The following MAST4 variants were observed in gnomAD, a reference collection of about 807,000 sequenced individuals.
The protein encoded by MAST4 is microtubule-associated serine/threonine-protein kinase 4.
In MAST4, 89 loss-of-function variants were observed where a neutral mutation model predicts 162.7. The ratio of observed to expected loss-of-function variants is 0.55; its 90% CI spans 0.46 to 0.65. MAST4 has a LOEUF of 0.65. Ranked by LOEUF, MAST4 falls within the 30% of genes least tolerant of loss-of-function variation. The pLI is 0.00. For missense variants in MAST4, 3,153 were observed against 3,374.0 expected, an observed-to-expected ratio of 0.93 and a Z score of 1.62; for synonymous variants, 1,479 against 1,361.1, an observed-to-expected ratio of 1.09 and a Z score of -1.91.
chr5:66,798,011 A>G (rs1420207985), intron 3 of MAST4, among the ~76,000 whole-genome samples: 2 of 152,208 alleles, frequency 1.3e-5, no homozygotes, highest in African/African-American at 2.4e-5. Context: ...GTGATGCCAT[A>G]TAAGGTGGAT....
At chr5:66,678,748 CTCCCACAGTGCTG>C (rs1200830987) in intron 1 of MAST4, among the ~76,000 whole-genome samples, 8 of 151,932 alleles carry the variant, frequency 5.3e-5, no homozygotes, top group African/African-American at 1.9e-4. Context: ...CCACCTTGGC[CTCCCACAGTGCTG>C]GATTACAGGT....
At chr5:66,616,965 G>GA (rs1403588378) in intron 1 of MAST4, among the ~76,000 whole-genome samples, 2 of 152,078 alleles carry the variant, frequency 1.3e-5, no homozygotes, top group African/African-American at 4.8e-5. Context: ...AGAAAGCCAG[G>GA]AAAAAATGGT....
At chr5:66,964,126 G>A (rs1746355946) in intron 4 of MAST4, 2 of 486,054 alleles carry the variant, frequency 4.1e-6, no homozygotes, top group African/African-American at 3.9e-5. Context: ...TAATTCCTAT[G>A]AGAGTATTAT....
rs375659874 is a variant in MAST4, at chr5:67,152,764, G to A, written c.3423G>A (p.Pro1141=). The A allele has an allele frequency of 1.8e-5, 29 of 1,613,898 alleles. No individual in the cohort carries two copies. Among genetic ancestry groups the A allele is most frequent in the African/African-American group, 6.7e-5 (5 of 74,934 alleles). The change falls in exon 25 of 29, where the codon CCG becomes CCA. Residue 1141 remains proline (P), a synonymous_variant. Coordinates refer to ENST00000403625, the MANE Select transcript of MAST4 (RefSeq NM_001164664.2). ...SSAASASPHQ[P]IVIHSSGKNY... ...CAGCTTCTGCCAGTCCACATCAGCC[G>A]ATTGTGATCCACAGTTCGGGGAAGA...
At chr5:67,143,264 GGAA>G (rs1401504829) in intron 21 of MAST4, among the ~76,000 whole-genome samples, 1 of 98,722 alleles carries the variant, frequency 1.0e-5, no homozygotes, top group Non-Finnish European at 2.3e-5. Context: ...TCCACAAAAA[GGAA>G]AAAAAAAGCC....
intron 1 of MAST4, among the ~76,000 whole-genome samples, chr5:66,611,177 TTAA>T (rs1743265419): frequency 6.6e-6 from 1 of 152,232 alleles, no homozygotes; most frequent in Admixed American, 6.5e-5. Context: ...CCAGCAGACT[TTAA>T]GACTTTAAAT....
At chr5:67,111,794 C>T (rs914529016) in intron 11 of MAST4, among the ~76,000 whole-genome samples, 1 of 152,092 alleles carries the variant, frequency 6.6e-6, no homozygotes, top group Non-Finnish European at 1.5e-5. Context: ...CACTCATAAT[C>T]GGAGGAGAAA....
intron 2 of MAST4, among the ~76,000 whole-genome samples, chr5:66,784,741 T>TA (rs781250142): frequency 6.6e-6 from 1 of 152,232 alleles, no homozygotes; most frequent in Non-Finnish European, 1.5e-5. Context: ...ATGCAGGTCT[T>TA]ACGATAATAT....
chr5:66,619,869 C>T (rs1743959485), intron 1 of MAST4, among the ~76,000 whole-genome samples: 1 of 151,604 alleles, frequency 6.6e-6, no homozygotes, highest in African/African-American at 2.4e-5. Context: ...CTTACCAACA[C>T]TGTATATGTC....
At chr5:67,051,123 A>G (rs376533067) in intron 4 of MAST4, among the ~76,000 whole-genome samples, 15 of 152,054 alleles carry the variant, frequency 9.9e-5, no homozygotes, top group African/African-American at 3.4e-4. Context: ...GCTACAGGAG[A>G]AGTAGTATTC....
chr5:67,031,010 T>C (rs749238683), intron 4 of MAST4, among the ~76,000 whole-genome samples: 40 of 152,196 alleles, frequency 2.6e-4, no homozygotes, highest in Non-Finnish European at 1.0e-4. Flanking sequence ...ACTCATTAAC[T>C]GTCCTGTAAA....
At chr5:66,762,758 T>C (rs973699314) in intron 2 of MAST4, among the ~76,000 whole-genome samples, 1 of 152,214 alleles carries the variant, frequency 6.6e-6, no homozygotes. Context: ...CACCTTCTCA[T>C]TGTTTTACTT....
At chr5:66,853,466 C>T (rs1759459951) in intron 3 of MAST4, among the ~76,000 whole-genome samples, 1 of 152,122 alleles carries the variant, frequency 6.6e-6, no homozygotes, top group Non-Finnish European at 1.5e-5. Context: ...AAAGAACCCT[C>T]CTGTTTTTAT....
intron 4 of MAST4, among the ~76,000 whole-genome samples, chr5:67,028,065 G>A (rs1220035613): frequency 6.6e-6 from 1 of 152,020 alleles, no homozygotes; most frequent in East Asian, 1.9e-4. Flanking sequence ...AAAACACAAA[G>A]AAGTAACAGA....
intron 4 of MAST4, among the ~76,000 whole-genome samples, chr5:66,943,442 AT>A (rs1045851999): frequency 8.4e-4 from 128 of 152,076 alleles, no homozygotes; most frequent in African/African-American, 2.7e-3. Flanking sequence ...TATAAAGTTA[AT>A]TTTTTTTAAG....
At chr5:67,138,836 C>T (rs980336538) in intron 19 of MAST4, among the ~76,000 whole-genome samples, 10 of 152,140 alleles carry the variant, frequency 6.6e-5, no homozygotes, top group African/African-American at 1.7e-4. Context: ...TGGAGCATTT[C>T]GGATTTTAAA....
At chr5:66,926,375 C>G (rs1764891730) in intron 4 of MAST4, among the ~76,000 whole-genome samples, 1 of 152,078 alleles carries the variant, frequency 6.6e-6, no homozygotes, top group Non-Finnish European at 1.5e-5. Flanking sequence ...TGGTGAAACC[C>G]TATCTCTACT....
intron 14 of MAST4, among the ~76,000 whole-genome samples, chr5:67,122,449 G>C (rs1767700966): frequency 6.6e-6 from 1 of 152,094 alleles, no homozygotes; most frequent in Non-Finnish European, 1.5e-5. Flanking sequence ...TTCTGATGTT[G>C]TATTTTTGCA....
At chr5:66,881,371 A>C (rs963059552) in intron 3 of MAST4, among the ~76,000 whole-genome samples, 2 of 152,206 alleles carry the variant, frequency 1.3e-5, no homozygotes, top group East Asian at 3.8e-4. Flanking sequence ...AGCTGCTGGA[A>C]TTTCTATGTT....
Sources: allele counts gnomAD v4.1 joint callset (sites outside exome capture counted in the v4.1 genomes callset), GRCh38; gene constraint gnomAD v4.1.1; transcripts MANE v1.5; gene names NCBI Gene and HGNC (gene_info 2026-07-23, HGNC 2026-07-21).